GLIS3: variants seen among roughly 807,000 people sequenced by gnomAD.
GLIS3 encodes the protein GLIS family zinc finger 3, also known as zinc finger protein GLIS3.
GLIS3 carries 53 observed loss-of-function variants against 78.6 expected under a neutral mutation model. The ratio of observed to expected loss-of-function variants is 0.67; its 90% confidence interval spans 0.54 to 0.85. The LOEUF is 0.85. Among genes scored for constraint, GLIS3 ranks in the 40% least tolerant of loss-of-function variants. The probability of loss-of-function intolerance (pLI) is 0.00; values close to 1 mark genes in which losing one functional copy is unlikely to be tolerated. For synonymous variants in GLIS3, 684 were observed against 509.9 expected (o/e 1.34, Z -4.60); for missense variants, 1,703 against 1,231.1 (o/e 1.38, Z -5.74).
At chr9:4,472,217 G>C in the GLIS3 span, among the ~76,000 whole-genome samples, 2 of 152,158 alleles carry the variant, frequency 1.3e-5, no homozygotes, top group African/African-American at 2.4e-5. Context: ...CAAGGATCTA[G>C]AACTAGAAAT....
chr9:3,905,928 G>A (rs1473726873), intron 6 of GLIS3, among the ~76,000 whole-genome samples: 1 of 152,152 alleles, frequency 6.6e-6, no homozygotes, highest in African/African-American at 2.4e-5. Flanking sequence ...CTCCCCACAT[G>A]CTATTCTAGA....
chr9:4,084,296 A>AC (rs1564025137), intron 4 of GLIS3, among the ~76,000 whole-genome samples: 3 of 48,758 alleles, frequency 6.2e-5, no homozygotes, highest in South Asian at 7.6e-4. Context: ...CACACACACA[A>AC]ATTCCTAGCC....
chr9:4,174,500 A>G (rs563207039), intron 2 of GLIS3, among the ~76,000 whole-genome samples: 107 of 152,346 alleles, frequency 7.0e-4, no homozygotes, highest in Admixed American at 1.3e-3. Context: ...TTCTAAAATG[A>G]TATCTTAGGA....
the GLIS3 span, among the ~76,000 whole-genome samples, chr9:4,419,744 C>T: frequency 2.3e-4 from 35 of 152,214 alleles, 1 homozygote; most frequent in South Asian, 7.3e-3. Context: ...CACGCCACTG[C>T]ACTCCAGCCT....
chr9:3,907,653 C>CACA (rs1563837094), intron 6 of GLIS3, among the ~76,000 whole-genome samples: 7 of 150,122 alleles, frequency 4.7e-5, no homozygotes, highest in Admixed American at 2.6e-4. Context: ...CACACACACA[C>CACA]ACTACTAAAC....
At chr9:4,291,021 G>A (rs1034363385) in intron 1 of GLIS3, among the ~76,000 whole-genome samples, 5 of 152,058 alleles carry the variant, frequency 3.3e-5, no homozygotes, top group Non-Finnish European at 5.9e-5. Context: ...ATTTGCAACC[G>A]AAGTTACACA....
the GLIS3 span, among the ~76,000 whole-genome samples, chr9:4,384,025 CCAAT>C: frequency 6.6e-6 from 1 of 152,186 alleles, no homozygotes; most frequent in Non-Finnish European, 1.5e-5. Context: ...CCATTGGCTG[CCAAT>C]CAGTCATGTC....
At chr9:4,197,330 A>C (rs1818957765) in intron 2 of GLIS3, among the ~76,000 whole-genome samples, 1 of 152,266 alleles carries the variant, frequency 6.6e-6, no homozygotes, top group East Asian at 1.9e-4. Flanking sequence ...CTGGATCAGT[A>C]GCCTAAACTG....
intron 4 of GLIS3, among the ~76,000 whole-genome samples, chr9:4,074,478 C>T (rs74929824): frequency 6.6e-6 from 1 of 152,172 alleles, no homozygotes; most frequent in Non-Finnish European, 1.5e-5. Flanking sequence ...AAATTTCCAT[C>T]CCGGTTCTCC....
At chr9:3,850,235 G>C (rs1035943402) in intron 9 of GLIS3, among the ~76,000 whole-genome samples, 7 of 152,222 alleles carry the variant, frequency 4.6e-5, no homozygotes, top group Admixed American at 2.6e-4. Context: ...AGTGATAGCA[G>C]GGCCCAGTGC....
chr9:3,856,318 C>A (rs974948647), intron 8 of GLIS3, 134 bp from the exon 9 acceptor site: 1 of 799,184 alleles, frequency 1.3e-6, no homozygotes, highest in Non-Finnish European at 2.1e-6. Flanking sequence ...AAAAAAAAAT[C>A]TTTCAGGATT....
chr9:4,109,048 G>C (rs1449119056), intron 4 of GLIS3, among the ~76,000 whole-genome samples: 1 of 152,144 alleles, frequency 6.6e-6, no homozygotes, highest in African/African-American at 2.4e-5. Flanking sequence ...CACTGGGAAT[G>C]GGTGCCATTT....
intron 6 of GLIS3, among the ~76,000 whole-genome samples, chr9:3,926,510 G>A (rs1457452461): frequency 3.3e-5 from 5 of 152,068 alleles, no homozygotes; most frequent in African/African-American, 4.8e-5. Flanking sequence ...GATTACAGGC[G>A]TGAGCCACCG....
the GLIS3 span, among the ~76,000 whole-genome samples, chr9:4,377,067 G>A: frequency 1.5e-5 from 2 of 135,124 alleles, 1 homozygote; most frequent in Non-Finnish European, 3.3e-5. Context: ...CTGTAACACA[G>A]GGTTTGTGAC....
chr9:4,125,925 C>G lies in GLIS3; in HGVS notation c.405G>C (p.Gly135=), dbSNP rs747087687. ...PNPGKGALGF[G]PQCKSIGKGS... is the part of the protein sequence containing the mutation. ...CTTTTCCAATGGACTTGCACTGAGG[C>G]CCAAAGCCAAGAGCCCCTAAAAACA... The change falls in exon 3 of 11, where the codon GGG becomes GGC. Residue 135 remains glycine, a synonymous_variant. Coordinates refer to ENST00000381971, the MANE Select transcript of GLIS3 (RefSeq NM_001042413.2). 6.2e-7 allele frequency: 1 copy of G among 1,613,824 alleles called. No individual in the cohort carries two copies. The highest frequency in any genetic ancestry group is 1.1e-5 in the South Asian group (1 of 91,058).
chr9:4,006,832 G>A (rs775610438), intron 4 of GLIS3, among the ~76,000 whole-genome samples: 2 of 152,196 alleles, frequency 1.3e-5, no homozygotes, highest in African/African-American at 4.8e-5. Context: ...TAAATGTAAG[G>A]ATGAAGGAAC....
At chr9:4,285,999 C>A in intron 2 of GLIS3, 39 bp downstream of exon 2, 1 of 1,612,680 alleles carries the variant, frequency 6.2e-7, no homozygotes, top group Non-Finnish European at 8.5e-7. Flanking sequence ...AGAAAAAAAT[C>A]GTTTCCATTT....
chr9:4,096,648 T>C (rs1334330832), intron 4 of GLIS3, among the ~76,000 whole-genome samples: 1 of 152,068 alleles, frequency 6.6e-6, no homozygotes, highest in Non-Finnish European at 1.5e-5. Flanking sequence ...TGATCCAGTC[T>C]TCTAAACAAG....
the GLIS3 span, among the ~76,000 whole-genome samples, chr9:4,467,495 C>T: frequency 6.6e-6 from 1 of 152,222 alleles, no homozygotes; most frequent in Non-Finnish European, 1.5e-5. Context: ...TCCGCAGCCT[C>T]CGCTGGTGAT....
Sources: gnomAD v4.1 joint callset for allele counts (sites outside exome capture counted in the v4.1 genomes callset) on GRCh38, gnomAD v4.1.1 for gene constraint, MANE v1.5 for transcripts, NCBI Gene and HGNC (gene_info 2026-07-23, HGNC 2026-07-21) for gene names.